The following TGFBRAP1 variants were observed in gnomAD, a reference collection of about 807,000 sequenced individuals.
TGFBRAP1 encodes the protein transforming growth factor beta receptor associated protein 1, also known as transforming growth factor-beta receptor-associated protein 1.
Under a neutral mutation model 83.2 loss-of-function variants are expected in TGFBRAP1, and 20 were observed. The ratio of observed to expected loss-of-function variants is 0.24; its 90% confidence interval spans 0.17 to 0.35. TGFBRAP1 has a LOEUF of 0.35. Ranked by LOEUF, TGFBRAP1 falls within the 10% of genes least tolerant of loss-of-function variation. The pLI is 1.00. For missense variants in TGFBRAP1, 950 were observed against 1,099.4 expected (o/e 0.86, Z 1.92); for synonymous variants, 415 against 459.8 (o/e 0.90, Z 1.25).
At chr2:105,301,226 A>G (rs10200066) in intron 2 of TGFBRAP1, among the ~76,000 whole-genome samples, 4,668 of 152,108 alleles carry the variant, frequency 0.031, 241 homozygotes, top group African/African-American at 0.1. Context: ...TGTCTCAAAA[A>G]TAAATAAATA....
intron 11 of TGFBRAP1, among the ~76,000 whole-genome samples, chr2:105,268,853 G>A (rs1056461893): frequency 2.0e-5 from 3 of 152,262 alleles, no homozygotes; most frequent in Admixed American, 1.3e-4. Flanking sequence ...CTGAGCATGC[G>A]ACTGCTCTCT....
chr2:105,259,269 C>T, the TGFBRAP1 span, among the ~76,000 whole-genome samples: 30 of 152,284 alleles, frequency 2.0e-4, no homozygotes, highest in African/African-American at 6.5e-4. Flanking sequence ...TTTGCTGAGG[C>T]GCTGCGCCCC....
At chr2:105,324,663 T>G (rs1268056709) in intron 1 of TGFBRAP1, among the ~76,000 whole-genome samples, 1 of 152,184 alleles carries the variant, frequency 6.6e-6, no homozygotes, top group African/African-American at 2.4e-5. Context: ...TTTTACTCAT[T>G]TGGAGTCTTT....
intron 4 of TGFBRAP1, among the ~76,000 whole-genome samples, chr2:105,285,337 C>T (rs370598141): frequency 6.6e-6 from 1 of 152,232 alleles, no homozygotes; most frequent in African/African-American, 2.4e-5. Flanking sequence ...GCCATTCAGT[C>T]GGTGCTTACT....
At chr2:105,252,501 G>A in the TGFBRAP1 span, among the ~76,000 whole-genome samples, 1 of 152,158 alleles carries the variant, frequency 6.6e-6, no homozygotes. Context: ...CCACACAGGT[G>A]GCTGTGGGCA....
chr2:105,277,538 A>ATT, intron 7 of TGFBRAP1, 76 bp downstream of exon 7: 1 of 1,476,352 alleles, frequency 6.8e-7, no homozygotes, highest in Non-Finnish European at 9.5e-7. Context: ...CAACTTGTGA[A>ATT]TTTTTTTTAA....
At chr2:105,261,700 C>A (rs145324625), downstream of TGFBRAP1, among the ~76,000 whole-genome samples, 6 of 152,064 alleles carry the variant, frequency 3.9e-5, no homozygotes, top group African/African-American at 1.4e-4. Flanking sequence ...CACAGTGAGC[C>A]GAGATCACGC....
intron 4 of TGFBRAP1, among the ~76,000 whole-genome samples, chr2:105,294,773 T>A (rs976680621): frequency 6.6e-6 from 1 of 152,056 alleles, no homozygotes; most frequent in Admixed American, 6.5e-5. Context: ...GCAAAAAGCA[T>A]AGGGAAGAAA....
chr2:105,284,336 C>T lies in TGFBRAP1; in HGVS notation c.1101G>A (p.Leu367=). ...ATTACCTGAAGAGCTCTTTAGCTTC[C>T]AGGAACTGAAGTTGTGCAAACTGTA... ...GFIQFAQLQF[L]EAKELFRSGQ... is the part of the protein sequence containing the mutation. The change falls in exon 5 of 12, where the codon CTG becomes CTA. Residue 367 remains leucine (L), a synonymous_variant. Coordinates refer to ENST00000393359, the MANE Select transcript of TGFBRAP1 (RefSeq NM_004257.6). 6.2e-7 allele frequency: 1 copy of T among 1,613,964 alleles called. No homozygotes were observed. Among genetic ancestry groups the T allele is most frequent in the Non-Finnish European group, 8.5e-7 (1 of 1,179,924 alleles).
chr2:105,316,462 T>TGTGCGCGCGCGC (rs1177329674), intron 1 of TGFBRAP1, among the ~76,000 whole-genome samples: 301 of 84,738 alleles, frequency 3.6e-3, no homozygotes, highest in African/African-American at 9.6e-3. Flanking sequence ...TGTGTGTGTG[T>TGTGCGCGCGCGC]GCGCGCGCGC....
At chr2:105,259,918 T>C (rs1339805173), downstream of TGFBRAP1, among the ~76,000 whole-genome samples, 3 of 152,162 alleles carry the variant, frequency 2.0e-5, no homozygotes, top group African/African-American at 7.2e-5. Context: ...TTGGACCCAA[T>C]AGAAGGGATT....
At position 105,308,004 on chromosome 2, in the gene TGFBRAP1, T is replaced by C. The variant is rs565784375; in HGVS notation, c.298A>G (p.Ser100Gly). Residue 100 changes from serine to glycine, a missense_variant, in exon 2 of 12, where the codon AGC becomes GGC. Ser to Gly is a moderately conservative substitution (Grantham distance 56, BLOSUM62 0). Coordinates refer to ENST00000393359, the MANE Select transcript of TGFBRAP1 (RefSeq NM_004257.6). ...TCGAGGTTCAGCATGTTGACCAGGC[T>C]GATGGAGTTGTCACACAGCACCAGC... is the stretch of plus-strand genomic sequence containing the variant. ...RLLVLCDNSI[S>G]LVNMLNLEPV... 1 of 1,614,204 alleles carries C rather than the reference T, an allele frequency of 6.2e-7. No individual in the cohort carries two copies. Among genetic ancestry groups the C allele is most frequent in the African/African-American group, 1.3e-5 (1 of 75,060 alleles).
chr2:105,318,064 C>G (rs751489150), intron 1 of TGFBRAP1, among the ~76,000 whole-genome samples: 8 of 152,144 alleles, frequency 5.3e-5, no homozygotes, highest in Non-Finnish European at 1.0e-4. Context: ...GTTATCATTA[C>G]CTAGGAAGCC....
At chr2:105,286,897 C>T (rs1677736138) in intron 4 of TGFBRAP1, among the ~76,000 whole-genome samples, 1 of 152,180 alleles carries the variant, frequency 6.6e-6, no homozygotes, top group African/African-American at 2.4e-5. Flanking sequence ...ATAACACAAG[C>T]GCTTCTGGAG....
the TGFBRAP1 span, among the ~76,000 whole-genome samples, chr2:105,255,515 C>A: frequency 6.6e-6 from 1 of 152,116 alleles, no homozygotes; most frequent in Non-Finnish European, 1.5e-5. Flanking sequence ...AAGATGAGGT[C>A]TCACTATGTT....
intron 2 of TGFBRAP1, among the ~76,000 whole-genome samples, chr2:105,305,177 C>A (rs991453463): frequency 6.6e-6 from 1 of 152,064 alleles, no homozygotes; most frequent in Non-Finnish European, 1.5e-5. Flanking sequence ...TGCTGTGAAC[C>A]TAAAACTGCT....
At chr2:105,326,680 C>A (rs558620232) in intron 1 of TGFBRAP1, among the ~76,000 whole-genome samples, 3 of 152,034 alleles carry the variant, frequency 2.0e-5, no homozygotes, top group Non-Finnish European at 4.4e-5. Context: ...GAACACGACA[C>A]TGTACTGTAG....
chr2:105,308,763 T>TA (rs5833131), intron 1 of TGFBRAP1, among the ~76,000 whole-genome samples: 30 of 147,274 alleles, frequency 2.0e-4, no homozygotes, highest in Non-Finnish European at 2.9e-4. Flanking sequence ...AGACCCCATT[T>TA]AAAAAAAAAA....
chr2:105,258,763 ACACACACACACT>A, the TGFBRAP1 span, among the ~76,000 whole-genome samples: 3 of 150,768 alleles, frequency 2.0e-5, no homozygotes, highest in Admixed American at 1.3e-4. Context: ...ACACACACAC[ACACACACACACT>A]GTCTCTCTCT....
Sources: gnomAD v4.1 joint callset for allele counts (sites outside exome capture counted in the v4.1 genomes callset) on GRCh38, gnomAD v4.1.1 for gene constraint, MANE v1.5 for transcripts, NCBI Gene and HGNC (gene_info 2026-07-23, HGNC 2026-07-21) for gene names.